AFG3L2: variants seen among roughly 807,000 people sequenced by gnomAD.
AFG3L2 encodes mitochondrial inner membrane m-AAA protease component AFG3L2.
A neutral mutation model predicts 94.5 loss-of-function variants in AFG3L2; 54 were observed. The observed-to-expected ratio is 0.57, with a 90% CI of 0.46 to 0.72. The LOEUF is 0.72. AFG3L2 is among the 30% of genes least tolerant of loss of function. The pLI, the probability that AFG3L2 is intolerant of heterozygous loss-of-function variation, is 0.00. For missense variants in AFG3L2, 754 were observed against 994.9 expected, an observed-to-expected ratio of 0.76 and a Z score of 3.26; for synonymous variants, 377 against 365.5, an observed-to-expected ratio of 1.03 and a Z score of -0.36.
intron 5 of AFG3L2, 121 bp downstream of exon 5, chr18:12,366,844 G>T: frequency 7.2e-7 from 1 of 1,385,326 alleles, no homozygotes; most frequent in Non-Finnish European, 1.0e-6. Context: ...AAAAATCTGA[G>T]TGAAAATAAC....
In AFG3L2 at chr18:12,372,065, G is replaced by C. The variant is rs1909009106; in HGVS notation, c.115-374C>G. Among the ~76,000 whole-genome samples the C allele has an allele frequency of 2.6e-5, 4 of 152,178 alleles. No individual in the cohort carries two copies. In the South Asian group the frequency reaches 8.3e-4, roughly 32 times the overall value. ...TCACACCTGTAATCCCAGTACATTG[G>C]GAGGCCGAGGTGGGTGCATCACGAG... On this transcript the variant is annotated intron_variant, in intron 1 of 16. Transcript: ENST00000269143.
chr18:12,373,527 G>C (rs1424452149), intron 1 of AFG3L2, among the ~76,000 whole-genome samples: 1 of 152,172 alleles, frequency 6.6e-6, no homozygotes, highest in South Asian at 2.1e-4. Flanking sequence ...GTAATATGAA[G>C]GGGTCTTTAT....
intron 6 of AFG3L2, among the ~76,000 whole-genome samples, chr18:12,361,517 A>G (rs890951141): frequency 1.3e-5 from 2 of 152,148 alleles, no homozygotes; most frequent in Non-Finnish European, 2.9e-5. Flanking sequence ...GCATGGTGGC[A>G]GGCACCAGCA....
At chr18:12,356,121 CA>C (rs55757012) in intron 9 of AFG3L2, among the ~76,000 whole-genome samples, 118 of 138,252 alleles carry the variant, frequency 8.5e-4, no homozygotes, top group African/African-American at 1.4e-3. Context: ...ATGTTGTCAC[CA>C]AAAAAAAAAA....
At chr18:12,337,305 A>T in intron 16 of AFG3L2, 36 bp downstream of exon 16, 1 of 1,601,272 alleles carries the variant, frequency 6.2e-7, no homozygotes, top group Non-Finnish European at 8.6e-7. Context: ...TTTTTTTGCA[A>T]AACTGTAAAG....
chr18:12,337,920 C>A (rs1224619958), intron 15 of AFG3L2, among the ~76,000 whole-genome samples: 1 of 152,176 alleles, frequency 6.6e-6, no homozygotes, highest in African/African-American at 2.4e-5. Context: ...TAGGCACCTG[C>A]CACCACTCCC....
At chr18:12,339,552 C>CA (rs57358869) in intron 15 of AFG3L2, among the ~76,000 whole-genome samples, 41,092 of 102,650 alleles carry the variant, frequency 0.4, 6,817 homozygotes, top group Non-Finnish European at 0.44. Flanking sequence ...AACTCCAGAT[C>CA]AAAAAAAAAA....
chr18:12,376,999 C>A lies in AFG3L2; in HGVS notation c.84G>T (p.Val28=). The change falls in exon 1 of 17, where the codon GTG becomes GTT. Residue 28 remains valine (V), a synonymous_variant. Coordinates refer to ENST00000269143, the MANE Select transcript of AFG3L2 (RefSeq NM_006796.3). Reference sequence around the variant, plus strand: ...GGAGGCAGGGCTGCTCGCCCGGGCCCACGCCGCCAGGCACGAGGAGCTGCT... The same window carrying A: ...GGAGGCAGGGCTGCTCGCCCGGGCCAACGCCGCCAGGCACGAGGAGCTGCT... The part of the protein sequence containing the change: ...GLQQLLVPGG[V]GPGEQPCLRT... 6.8e-7 allele frequency: 1 copy of A among 1,461,350 alleles called. No homozygotes were observed. The allele number at this position is 1,461,350 out of a possible 1,614,324, so 90.5% of individuals were successfully genotyped here. A position where few individuals can be genotyped will look rare whatever the true frequency, so the allele number is the denominator to read the frequency against.
At chr18:12,372,833 T>C (rs1007442604) in intron 1 of AFG3L2, among the ~76,000 whole-genome samples, 1 of 152,108 alleles carries the variant, frequency 6.6e-6, no homozygotes, top group Non-Finnish European at 1.5e-5. Flanking sequence ...AATAGGCAAA[T>C]CCATAGAGAG....
intron 16 of AFG3L2, among the ~76,000 whole-genome samples, chr18:12,336,308 A>G (rs1029283568): frequency 6.6e-6 from 1 of 152,232 alleles, no homozygotes; most frequent in Non-Finnish European, 1.5e-5. Flanking sequence ...GCCTTTTGCG[A>G]TAGCTTTTCA....
chr18:12,365,576 C>T (rs961602360), intron 5 of AFG3L2, among the ~76,000 whole-genome samples: 1 of 152,200 alleles, frequency 6.6e-6, no homozygotes, highest in Non-Finnish European at 1.5e-5. Context: ...ATTCTGGAGT[C>T]CACTGAAGGT....
chr18:12,358,594 G>A, intron 8 of AFG3L2, 76 bp downstream of exon 8: 1 of 1,508,284 alleles, frequency 6.6e-7, no homozygotes, highest in East Asian at 2.4e-5. Flanking sequence ...TCTATAATAA[G>A]TAATCAAACT....
At chr18:12,372,075 G>A (rs764387258) in intron 1 of AFG3L2, among the ~76,000 whole-genome samples, 15 of 152,232 alleles carry the variant, frequency 9.9e-5, no homozygotes, top group Non-Finnish European at 2.1e-4. Context: ...GGAGGCCGAG[G>A]TGGGTGCATC....
chr18:12,368,324 A>G (rs1273054240), intron 3 of AFG3L2, among the ~76,000 whole-genome samples: 1 of 152,146 alleles, frequency 6.6e-6, no homozygotes, highest in Non-Finnish European at 1.5e-5. Flanking sequence ...GTACCACTGC[A>G]CTCCAGCCTG....
intron 16 of AFG3L2, among the ~76,000 whole-genome samples, chr18:12,334,347 T>C (rs1191557478): frequency 1.3e-5 from 2 of 152,172 alleles, no homozygotes; most frequent in Non-Finnish European, 2.9e-5. Context: ...ACACTGAGAC[T>C]GTGGATGGGT....
Position 12,376,280 on chromosome 18 carries a change from G to A in AFG3L2, c.114+689C>T, listed in dbSNP as rs147415373. Among the ~76,000 whole-genome samples the A allele has an allele frequency of 1.6e-3, 242 of 152,298 alleles. 2 individuals are homozygous for A. The highest frequency in any genetic ancestry group is 8.3e-3 in the South Asian group (40 of 4,824). On this transcript the variant is annotated intron_variant, in intron 1 of 16. Coordinates refer to ENST00000269143, the MANE Select transcript of AFG3L2 (RefSeq NM_006796.3). Reference sequence around the variant, plus strand: ...ACCGTGTCACTTAAACAGTGAGAGCGACTATTCGACACGTGAACCTTTCAT... The same window carrying A: ...ACCGTGTCACTTAAACAGTGAGAGCAACTATTCGACACGTGAACCTTTCAT...
At chr18:12,366,854 C>G in intron 5 of AFG3L2, 111 bp downstream of exon 5, 1 of 1,449,814 alleles carries the variant, frequency 6.9e-7, no homozygotes, top group Admixed American at 1.7e-5. Context: ...GTGAAAATAA[C>G]AATTTTACAA....
chr18:12,364,820 CCA>C (rs1400941439), intron 5 of AFG3L2, among the ~76,000 whole-genome samples: 2 of 152,112 alleles, frequency 1.3e-5, no homozygotes, highest in African/African-American at 4.8e-5. Context: ...ATGCAAGCCA[CCA>C]CAGATGGCCA....
intron 8 of AFG3L2, 79 bp downstream of exon 8, chr18:12,358,591 T>C: frequency 1.3e-6 from 2 of 1,500,614 alleles, no homozygotes; most frequent in South Asian, 1.2e-5. Flanking sequence ...CTATCTATAA[T>C]AAGTAATCAA....
Sources: gnomAD v4.1 joint callset for allele counts (sites outside exome capture counted in the v4.1 genomes callset) on GRCh38, gnomAD v4.1.1 for gene constraint, MANE v1.5 for transcripts, NCBI Gene and HGNC (gene_info 2026-07-23, HGNC 2026-07-21) for gene names.